Variants in ITGA1 observed in about 807,000 individuals in gnomAD.
The protein encoded by ITGA1 is integrin alpha-1.
A neutral mutation model predicts 145.9 loss-of-function variants in ITGA1; 85 were observed. That is an observed-to-expected ratio of 0.58 (90% CI 0.49 to 0.70). ITGA1 has a LOEUF of 0.70. Among genes scored for constraint, ITGA1 ranks in the 30% least tolerant of loss-of-function variants. The probability of loss-of-function intolerance (pLI) is 0.00; values close to 1 mark genes in which losing one functional copy is unlikely to be tolerated. For missense variants in ITGA1, 1,351 were observed against 1,418.7 expected, an observed-to-expected ratio of 0.95 and a Z score of 0.77; for synonymous variants, 520 against 495.3, an observed-to-expected ratio of 1.05 and a Z score of -0.66.
At position 52,958,980 on chromosome 5, in the gene ITGA1, A is replaced by G. The variant is rs1320068841; in HGVS notation, c.*6529A>G. On this transcript the variant is annotated 3_prime_UTR_variant, in exon 29 of 29. Coordinates refer to ENST00000282588, the MANE Select transcript of ITGA1 (RefSeq NM_181501.2). ...TGCTTCATTTAAACCCATTTTGTAA[A>G]GAAATCAGGTAACAGTCATTTAATC... 1 of 152,178 alleles carries G rather than the reference A, an allele frequency of 6.6e-6. No homozygotes were observed. Among genetic ancestry groups the G allele is most frequent in the African/African-American group, 2.4e-5 (1 of 41,458 alleles). 9.4% of individuals were successfully genotyped at this position (152,178 alleles called of 1,614,324 possible). A position where few individuals can be genotyped will look rare whatever the true frequency, so the allele number is the denominator to read the frequency against.
chr5:52,864,717 C>G, intron 3 of ITGA1, 46 bp from the exon 4 acceptor site: 1 of 1,211,568 alleles, frequency 8.3e-7, no homozygotes, highest in Non-Finnish European at 1.2e-6. Context: ...TAAAATTTCA[C>G]TTTGTGAAAC....
At chr5:52,845,551 C>A (rs1749319283) in intron 1 of ITGA1, among the ~76,000 whole-genome samples, 1 of 152,124 alleles carries the variant, frequency 6.6e-6, no homozygotes, top group African/African-American at 2.4e-5. Flanking sequence ...TCTTCTTCAA[C>A]AAAATAATTG....
At chr5:52,807,878 CT>C (rs1040229942) in intron 1 of ITGA1, among the ~76,000 whole-genome samples, 2 of 149,124 alleles carry the variant, frequency 1.3e-5, no homozygotes, top group Non-Finnish European at 2.9e-5. Context: ...TTACAATAAA[CT>C]TTTTTTTAAT....
Position 52,800,384 on chromosome 5 carries a change from C to T in ITGA1, c.61+11970C>T, listed in dbSNP as rs753418857. 7 of 1,613,472 alleles carry T rather than the reference C, an allele frequency of 4.3e-6. No individual in the cohort carries two copies. The Admixed American group carries it at 1.0e-4, about 23-fold the overall frequency. On this transcript the variant is annotated intron_variant, in intron 1 of 28. Coordinates refer to ENST00000282588, the MANE Select transcript of ITGA1 (RefSeq NM_181501.2). ...TTCCTTTGGTTCTGTCAGTGAGCCC[C>T]TTCCTTGGCCATGAAGCTCGTGAGG...
intron 6 of ITGA1, among the ~76,000 whole-genome samples, chr5:52,879,794 A>G (rs1048505532): frequency 6.6e-6 from 1 of 152,120 alleles, no homozygotes; most frequent in African/African-American, 2.4e-5. Context: ...ATTGGGTGAA[A>G]GATAAACTCA....
Position 52,909,046 on chromosome 5 carries a change from T to C in ITGA1, c.1599+5T>C. 1 of 1,608,052 alleles carries C rather than the reference T, an allele frequency of 6.2e-7. No homozygotes were observed. The highest frequency in any genetic ancestry group is 2.2e-5 in the East Asian group (1 of 44,662). Reference sequence around the variant, plus strand: ...TATGTGTATGCTCTCAATCAGGTAATGGTGTCTGAGTTTGGTAGAAATCCA... The same window carrying C: ...TATGTGTATGCTCTCAATCAGGTAACGGTGTCTGAGTTTGGTAGAAATCCA... On this transcript the variant is annotated splice_donor_5th_base_variant and intron_variant, in intron 13 of 28. Transcript: ENST00000282588.
chr5:52,880,381 C>A (rs1348978488), intron 6 of ITGA1, among the ~76,000 whole-genome samples: 1 of 152,166 alleles, frequency 6.6e-6, no homozygotes, highest in South Asian at 2.1e-4. Context: ...ATTGCTCCAA[C>A]ATAACCAGTG....
intron 11 of ITGA1, among the ~76,000 whole-genome samples, chr5:52,901,588 G>A (rs1750314670): frequency 6.6e-6 from 1 of 152,168 alleles, no homozygotes; most frequent in South Asian, 2.1e-4. Context: ...CATTTTAATT[G>A]ATAACACTGT....
At chr5:52,874,828 T>C (rs1171775130) in intron 6 of ITGA1, among the ~76,000 whole-genome samples, 1 of 152,188 alleles carries the variant, frequency 6.6e-6, no homozygotes, top group African/African-American at 2.4e-5. Context: ...TGGTATGTCA[T>C]AAATATAATG....
intron 1 of ITGA1, among the ~76,000 whole-genome samples, chr5:52,824,099 A>T (rs1413230533): frequency 6.6e-6 from 1 of 151,978 alleles, no homozygotes; most frequent in Non-Finnish European, 1.5e-5. Flanking sequence ...GCTTTGTTTC[A>T]TGACCTTTAA....
chr5:52,909,273 A>G (rs190147831), intron 13 of ITGA1, among the ~76,000 whole-genome samples: 319 of 152,214 alleles, frequency 2.1e-3, no homozygotes, highest in African/African-American at 7.3e-3. Flanking sequence ...TTAACAATAT[A>G]TAGGATAAAG....
chr5:52,900,892 G>C (rs1007108724), intron 11 of ITGA1, among the ~76,000 whole-genome samples: 4 of 152,010 alleles, frequency 2.6e-5, no homozygotes, highest in African/African-American at 9.7e-5. Flanking sequence ...ATTTTATTAT[G>C]TAAATGTTAT....
At chr5:52,868,202 A>T (rs1749718615) in intron 6 of ITGA1, among the ~76,000 whole-genome samples, 2 of 152,198 alleles carry the variant, frequency 1.3e-5, no homozygotes, top group South Asian at 4.1e-4. Flanking sequence ...AGCCATCTAA[A>T]TATTTTATTT....
chr5:52,928,679 C>T (rs148172367), intron 20 of ITGA1, among the ~76,000 whole-genome samples: 25 of 152,218 alleles, frequency 1.6e-4, no homozygotes, highest in Admixed American at 9.8e-4. Context: ...TATCAATTGA[C>T]TTTTATTGGC....
At chr5:52,796,437 AC>A (rs1748345133) in intron 1 of ITGA1, among the ~76,000 whole-genome samples, 1 of 152,014 alleles carries the variant, frequency 6.6e-6, no homozygotes, top group South Asian at 2.1e-4. Context: ...TCTATTTTAA[AC>A]AGCCAATACA....
intron 6 of ITGA1, among the ~76,000 whole-genome samples, chr5:52,872,313 T>C (rs891774855): frequency 2.0e-5 from 3 of 152,252 alleles, no homozygotes; most frequent in East Asian, 3.9e-4. Flanking sequence ...AGTTTCCGAA[T>C]GTGGGGTAGG....
rs117893726 is a variant in ITGA1 at position 52,877,851 on chromosome 5, G to A, written c.625-4022G>A. ...TTTGGGGCTCACCTGTCCTGCATGA[G>A]TAGGAATGCAGGGACACAGTTGACA... On this transcript the variant is annotated intron_variant, in intron 6 of 28. Transcript: ENST00000282588. Among the ~76,000 whole-genome samples the A allele has an allele frequency of 4.5e-3, 682 of 152,292 alleles. 13 individuals carry two copies. The East Asian group carries it at 0.057, about 13-fold the overall frequency.
rs560704971 is a variant in ITGA1, at chr5:52,950,621, C to A, written c.3496-1786C>A. 2.0e-5 allele frequency among the ~76,000 whole-genome samples: 3 copies of A among 152,280 alleles called. 1 individual carries two copies. Among genetic ancestry groups the A allele is most frequent in the African/African-American group, 7.2e-5 (3 of 41,552 alleles). On this transcript the variant is annotated intron_variant, in intron 28 of 28. Coordinates refer to ENST00000282588, the MANE Select transcript of ITGA1 (RefSeq NM_181501.2). Reference sequence around the variant, plus strand: ...AGGATTGGCCCAGTCCATCTTGAAGCTATAAACTATTTTCTCCTAATCTCC... The same window carrying A: ...AGGATTGGCCCAGTCCATCTTGAAGATATAAACTATTTTCTCCTAATCTCC...
At chr5:52,834,570 GAAGA>G (rs1318978030) in intron 1 of ITGA1, among the ~76,000 whole-genome samples, 9 of 143,194 alleles carry the variant, frequency 6.3e-5, no homozygotes, top group Admixed American at 7.0e-5. Flanking sequence ...GAGAAAGAGA[GAAGA>G]AAGAAAGAAA....
Sources: allele counts gnomAD v4.1 joint callset (sites outside exome capture counted in the v4.1 genomes callset), GRCh38; gene constraint gnomAD v4.1.1; transcripts MANE v1.5; gene names NCBI Gene and HGNC (gene_info 2026-07-23, HGNC 2026-07-21).